RASSF2: variants seen among roughly 807,000 people sequenced by gnomAD.
The protein encoded by RASSF2 is ras association domain-containing protein 2.
In RASSF2, 34 loss-of-function variants were observed where a neutral mutation model predicts 46.3. The ratio of observed to expected loss-of-function variants is 0.73; its 90% CI spans 0.56 to 0.98. The LOEUF (loss-of-function observed/expected upper bound fraction) is 0.98. Among genes scored for constraint, RASSF2 ranks in the 50% least tolerant of loss-of-function variants. RASSF2 has a pLI of 0.00. For synonymous variants in RASSF2, 158 were observed against 162.5 expected (o/e 0.97, Z 0.21); for missense variants, 364 against 431.2 (o/e 0.84, Z 1.38).
Position 4,795,744 on chromosome 20 carries a change from T to A in RASSF2, c.287+71A>T. 1 of 1,517,634 alleles carries A rather than the reference T, an allele frequency of 6.6e-7. No individual in the cohort carries two copies. Among genetic ancestry groups the A allele is most frequent in the Non-Finnish European group, 8.9e-7 (1 of 1,122,928 alleles). 94.0% of individuals were successfully genotyped at this position (1,517,634 alleles called of 1,614,324 possible). ...AGGGCTGGCTGGAAGAAGGCAGCAT[T>A]TATCTGCTTGAGAACACATAGAACA... On this transcript the variant is annotated intron_variant, in intron 5 of 11. Coordinates refer to ENST00000379400, the MANE Select transcript of RASSF2 (RefSeq NM_014737.3). This position sits in a 1 kb window ranked among gnomAD's most constrained non-coding sequence, Gnocchi z 4.0.
Position 4,798,074 on chromosome 20 carries a change from A to T in RASSF2, c.71T>A (p.Leu24His). The change falls in exon 4 of 12, where the codon CTC becomes CAC. Residue 24 changes from leucine to histidine, a missense_variant. Leu to His is a moderately conservative substitution (Grantham distance 99, BLOSUM62 -3). Coordinates refer to ENST00000379400, the MANE Select transcript of RASSF2 (RefSeq NM_014737.3). ...CAAGTTGTAGGTCTTCAGATGCAAG[A>T]GAAGTTCATTTCTTAGGGGGAAAAA... ...QDKYISKNEL[L>H]LHLKTYNLYY... is the part of the protein sequence containing the mutation. The T allele has an allele frequency of 6.2e-7, 1 of 1,613,846 alleles. No individual in the cohort carries two copies. Among genetic ancestry groups the T allele is most frequent in the Non-Finnish European group, 8.5e-7 (1 of 1,179,796 alleles).
intron 2 of RASSF2, among the ~76,000 whole-genome samples, chr20:4,813,074 A>G (rs1313261479): frequency 6.6e-6 from 1 of 152,132 alleles, no homozygotes; most frequent in South Asian, 2.1e-4. Context: ...TCAGTCCCTT[A>G]TCACACACTG....
Position 4,781,021 on chromosome 20 carries a change from C to T in RASSF2, c.*3252G>A, listed in dbSNP as rs1207539533. On this transcript the variant is annotated 3_prime_UTR_variant, in exon 12 of 12. Transcript: ENST00000379400. Reference sequence around the variant, plus strand: ...CTCTCTCGGCGATGTATCTGTGACACCACATTCTCTGTGCTACAGAGCTTT... The same window carrying T: ...CTCTCTCGGCGATGTATCTGTGACATCACATTCTCTGTGCTACAGAGCTTT... 1 of 151,642 alleles carries T rather than the reference C, an allele frequency of 6.6e-6. No homozygotes were observed. Among genetic ancestry groups the T allele is most frequent in the African/African-American group, 2.4e-5 (1 of 41,280 alleles). The allele number at this position is 151,642 out of a possible 1,614,324, so 9.4% of individuals were successfully genotyped here. A position where few individuals can be genotyped will look rare whatever the true frequency, so the allele number is the denominator to read the frequency against.
At chr20:4,821,417 A>T (rs1476641962) in intron 2 of RASSF2, among the ~76,000 whole-genome samples, 1 of 152,174 alleles carries the variant, frequency 6.6e-6, no homozygotes, top group African/African-American at 2.4e-5. Context: ...TGGAGGGCAC[A>T]CAGTCCCCTT....
At chr20:4,787,398 T>C (rs1925451031) in intron 10 of RASSF2, among the ~76,000 whole-genome samples, 1 of 152,172 alleles carries the variant, frequency 6.6e-6, no homozygotes, top group African/African-American at 2.4e-5. Flanking sequence ...AGTAGAGCCA[T>C]TGCTACTAGA....
chr20:4,796,059 C>A, intron 4 of RASSF2, 93 bp from the exon 5 acceptor site: 2 of 1,388,640 alleles, frequency 1.4e-6, no homozygotes, highest in Non-Finnish European at 9.5e-7. Flanking sequence ...CTTCACATGT[C>A]CTGGCTGGGG....
chr20:4,790,686 G>C lies in RASSF2; in HGVS notation c.377-75C>G. The C allele has an allele frequency of 4.0e-6, 5 of 1,238,094 alleles. No individual in the cohort carries two copies. The highest frequency in any genetic ancestry group is 5.5e-6 in the Non-Finnish European group (5 of 911,026). The allele number at this position is 1,238,094 out of a possible 1,614,324, so 76.7% of individuals were successfully genotyped here. The stretch of plus-strand genomic sequence containing the variant: ...GCACATGGTCCCCAATTTGTGGCCA[G>C]TGCGACAGCACCCACTGTCTCCACA... On this transcript the variant is annotated intron_variant, in intron 6 of 11. Transcript: ENST00000379400. This position sits in a 1 kb window ranked among gnomAD's most constrained non-coding sequence, Gnocchi z 4.3.
intron 8 of RASSF2, among the ~76,000 whole-genome samples, chr20:4,788,817 C>T (rs1052702881): frequency 6.6e-6 from 1 of 152,224 alleles, no homozygotes; most frequent in Non-Finnish European, 1.5e-5. Context: ...TAACAGCTAT[C>T]GTCTATTGCA....
At chr20:4,811,208 G>T (rs1159772511) in intron 2 of RASSF2, among the ~76,000 whole-genome samples, 1 of 62,830 alleles carries the variant, frequency 1.6e-5, no homozygotes, top group African/African-American at 5.0e-5. Context: ...TAAAAAATTA[G>T]CCAGGCACAG....
chr20:4,820,389 G>A (rs1292500249), intron 2 of RASSF2, among the ~76,000 whole-genome samples: 1 of 152,002 alleles, frequency 6.6e-6, no homozygotes, highest in African/African-American at 2.4e-5. Flanking sequence ...CATATGCCTG[G>A]GGTCTCAGCT....
At chr20:4,805,603 G>A (rs755946067) in intron 2 of RASSF2, among the ~76,000 whole-genome samples, 9 of 152,016 alleles carry the variant, frequency 5.9e-5, no homozygotes, top group Non-Finnish European at 1.3e-4. Flanking sequence ...GGGGAATTCC[G>A]AGGGCAGGGA....
At chr20:4,800,885 G>A (rs1173210970) in intron 3 of RASSF2, 87 bp downstream of exon 3, 21 of 1,108,004 alleles carry the variant, frequency 1.9e-5, no homozygotes, top group Non-Finnish European at 2.8e-5. Flanking sequence ...ACAGTGGGGG[G>A]CCCTCTGCCA....
At chr20:4,794,521 C>T (rs544971931) in intron 5 of RASSF2, among the ~76,000 whole-genome samples, 171 of 151,688 alleles carry the variant, frequency 1.1e-3, no homozygotes, top group African/African-American at 4.0e-3. Context: ...GAGCCGAGAT[C>T]GCATCACTGC....
intron 2 of RASSF2, among the ~76,000 whole-genome samples, chr20:4,813,508 G>A (rs1361886602): frequency 6.6e-6 from 1 of 152,208 alleles, no homozygotes; most frequent in African/African-American, 2.4e-5. Flanking sequence ...GACCCAGAAG[G>A]CCACCGCTGG....
At chr20:4,803,607 ATTAGCTGGATGT>A (rs945116724) in intron 2 of RASSF2, among the ~76,000 whole-genome samples, 11 of 150,134 alleles carry the variant, frequency 7.3e-5, no homozygotes, top group Admixed American at 3.3e-4. Flanking sequence ...AAATTTAAAA[ATTAGCTGGATGT>A]GGTGGCACGC....
chr20:4,780,968 C>CA lies in RASSF2; in HGVS notation c.*3304dup, dbSNP rs540709164. ...TGGGAAACAGAACCAGACTCTGTCTCAAAAAAAAAAAAAAGAAAGAAAGAA... is the reference window on the plus strand; with the variant it reads ...TGGGAAACAGAACCAGACTCTGTCTCAAAAAAAAAAAAAAAGAAAGAAAGAA... On this transcript the variant is annotated 3_prime_UTR_variant, in exon 12 of 12. Transcript: ENST00000379400. 24,839 of 132,772 alleles carry CA rather than the reference C, an allele frequency of 0.19. 2,876 individuals are homozygous for CA. The highest frequency in any genetic ancestry group is 0.36 in the African/African-American group (13,252 of 36,840). The allele number at this position is 132,772 out of a possible 1,614,324, so 8.2% of individuals were successfully genotyped here.
At position 4,789,692 on chromosome 20, in the gene RASSF2, G is replaced by A. The variant is rs375756047; in HGVS notation, c.543C>T (p.Ser181=). 3.7e-5 allele frequency: 60 copies of A among 1,613,910 alleles called. No homozygotes were observed. The highest frequency in any genetic ancestry group is 3.3e-4 in the Middle Eastern group (2 of 6,052). Reference sequence around the variant, plus strand: ...CAGAGCCATAGGCTGGTGTGAACACGGATGTCTGTCAATAGAAGGGCCCAG... The same window carrying A: ...CAGAGCCATAGGCTGGTGTGAACACAGATGTCTGTCAATAGAAGGGCCCAG... The part of the protein sequence containing the change: ...INGHFYNHKT[S]VFTPAYGSVT... The change falls in exon 8 of 12, where the codon TCC becomes TCT. Residue 181 remains serine, a synonymous_variant. Transcript: ENST00000379400.
At chr20:4,820,519 T>A (rs909013142) in intron 2 of RASSF2, among the ~76,000 whole-genome samples, 5 of 151,474 alleles carry the variant, frequency 3.3e-5, no homozygotes, top group African/African-American at 1.2e-4. Flanking sequence ...CAAAAAATAA[T>A]AATAATAATA....
Position 4,790,432 on chromosome 20 carries a change from G to A in RASSF2, c.537+19C>T, listed in dbSNP as rs776526125. 123 of 1,437,732 alleles carry A rather than the reference G, an allele frequency of 8.6e-5. No individual in the cohort carries two copies. Among genetic ancestry groups the A allele is most frequent in the African/African-American group, 1.2e-4 (8 of 67,242 alleles). The allele number at this position is 1,437,732 out of a possible 1,614,324, so 89.1% of individuals were successfully genotyped here. On this transcript the variant is annotated intron_variant, in intron 7 of 11. Coordinates refer to ENST00000379400, the MANE Select transcript of RASSF2 (RefSeq NM_014737.3). The surrounding 1 kb of genome is among the most constrained non-coding windows in gnomAD (Gnocchi z 4.3). ...CAGGAAGAGGTCTTCCACCCTCCCC[G>A]TCCCCCTGTCCACCTTACCTTATGG... is the stretch of plus-strand genomic sequence containing the variant.
Sources: gnomAD v4.1 joint callset for allele counts (sites outside exome capture counted in the v4.1 genomes callset) on GRCh38, gnomAD v4.1.1 for gene constraint, Gnocchi (gnomAD v3.1) non-coding constraint, MANE v1.5 for transcripts, NCBI Gene and HGNC (gene_info 2026-07-23, HGNC 2026-07-21) for gene names.